TMEM63A: variants seen among roughly 807,000 people sequenced by gnomAD.
TMEM63A encodes mechanosensitive cation channel TMEM63A.
TMEM63A carries 76 observed loss-of-function variants against 100.6 expected under a neutral mutation model. The observed-to-expected ratio is 0.76, with a 90% confidence interval of 0.63 to 0.91. TMEM63A has a LOEUF of 0.91. Ranked by LOEUF, TMEM63A falls within the 40% of genes least tolerant of loss-of-function variation. The pLI, the probability that TMEM63A is intolerant of heterozygous loss-of-function variation, is 0.00. For missense variants in TMEM63A, 876 were observed against 1,008.8 expected, an observed-to-expected ratio of 0.87 and a Z score of 1.78; for synonymous variants, 401 against 401.1, an observed-to-expected ratio of 1.00 and a Z score of 0.00.
chr1:225,845,069 G>T, downstream of TMEM63A: 1 of 1,502,788 alleles, frequency 6.7e-7, no homozygotes. Context: ...ACCCCCAGGC[G>T]CTTTAACCCC....
chr1:225,862,462 C>T lies in TMEM63A; in HGVS notation c.944G>A (p.Cys315Tyr). 1.2e-6 allele frequency: 2 copies of T among 1,614,154 alleles called. No individual in the cohort carries two copies. The highest frequency in any genetic ancestry group is 1.7e-6 in the Non-Finnish European group (2 of 1,180,012). Residue 315 changes from cysteine to tyrosine, a missense_variant, in exon 12 of 25, where the codon TGT (cysteine) becomes TAT (tyrosine). Coordinates refer to ENST00000366835, the MANE Select transcript of TMEM63A (RefSeq NM_014698.3). This position sits in a 1 kb window ranked among gnomAD's most constrained non-coding sequence, Gnocchi z 5.1. Reference sequence around the variant, plus strand: ...GGGGGGTGGGACCCTTACCCACTCACAGCCCAGCACTTCACAGCAGCAAAA... The same window carrying T: ...GGGGGGTGGGACCCTTACCCACTCATAGCCCAGCACTTCACAGCAGCAAAA... ...GQFCCCEVLG[C>Y]EWEDAISYYT...
chr1:225,866,010 AG>A, intron 9 of TMEM63A, 43 bp from the exon 10 acceptor site: 1 of 1,604,068 alleles, frequency 6.2e-7, no homozygotes, highest in Non-Finnish European at 8.5e-7. Context: ...CCCACAAGCC[AG>A]TGTGCCGGTA....
rs1559043078 is a variant in TMEM63A, at chr1:225,862,582, TA to T, written c.828-5del. Reference sequence around the variant, plus strand: ...CAGGCTCTTCTCAGTCTTCTTTCTGTAGGGGTGGGAGCGGGGGCACAAACCT... The same window carrying T: ...CAGGCTCTTCTCAGTCTTCTTTCTGTGGGGTGGGAGCGGGGGCACAAACCT... On this transcript the variant is annotated splice_polypyrimidine_tract_variant and splice_region_variant and intron_variant, in intron 11 of 24. Transcript: ENST00000366835. This position sits in a 1 kb window ranked among gnomAD's most constrained non-coding sequence, Gnocchi z 5.1. The T allele has an allele frequency of 6.2e-7, 1 of 1,612,892 alleles. No homozygotes were observed. Among genetic ancestry groups the T allele is most frequent in the African/African-American group, 1.3e-5 (1 of 74,976 alleles).
At chr1:225,869,925 C>T (rs937671997) in intron 6 of TMEM63A, among the ~76,000 whole-genome samples, 5 of 151,792 alleles carry the variant, frequency 3.3e-5, no homozygotes, top group East Asian at 1.9e-4. Context: ...CCTCCCAAAG[C>T]GTTGGGATTA....
intron 4 of TMEM63A, among the ~76,000 whole-genome samples, chr1:225,872,606 T>C (rs1670564756): frequency 1.3e-5 from 2 of 152,084 alleles, no homozygotes; most frequent in Non-Finnish European, 2.9e-5. Context: ...AATCAGATCC[T>C]TTCTTGCGAG....
At chr1:225,847,245 A>G in intron 23 of TMEM63A, 32 bp from the exon 24 acceptor site, 1 of 1,604,714 alleles carries the variant, frequency 6.2e-7, no homozygotes, top group South Asian at 1.1e-5. Flanking sequence ...CTTGGCCTGG[A>G]CAGGCATGAG....
chr1:225,875,403 A>C (rs1329268604), intron 3 of TMEM63A, among the ~76,000 whole-genome samples: 1 of 152,092 alleles, frequency 6.6e-6, no homozygotes, highest in Non-Finnish European at 1.5e-5. Flanking sequence ...CCTCTCTTTG[A>C]GGTTCAGGGA....
downstream of TMEM63A, among the ~76,000 whole-genome samples, chr1:225,841,664 C>T (rs1286015083): frequency 5.5e-5 from 7 of 128,132 alleles, no homozygotes; most frequent in Non-Finnish European, 9.8e-5. Flanking sequence ...TGCAGTGGTA[C>T]GATCTCGGCT....
At chr1:225,845,276 G>A, downstream of TMEM63A, 18 of 1,613,584 alleles carry the variant, frequency 1.1e-5, no homozygotes, top group Non-Finnish European at 1.4e-5. Context: ...GGGCCACTTT[G>A]CGGCCTTTGA....
intron 6 of TMEM63A, among the ~76,000 whole-genome samples, chr1:225,869,666 C>CTTTTCTTTT (rs76862516): frequency 0.087 from 9,576 of 109,666 alleles, 766 homozygotes; most frequent in African/African-American, 0.16. Context: ...CTTTTCTTTT[C>CTTTTCTTTT]TTTTTTTTTT....
chr1:225,873,244 T>C (rs904592627), intron 4 of TMEM63A, among the ~76,000 whole-genome samples: 5 of 152,162 alleles, frequency 3.3e-5, no homozygotes, highest in Non-Finnish European at 7.3e-5. Context: ...CCAGAGTACA[T>C]GGCCCCACTT....
intron 18 of TMEM63A, among the ~76,000 whole-genome samples, chr1:225,854,150 ATGTGAAG>A (rs1669495860): frequency 2.7e-5 from 1 of 37,058 alleles, no homozygotes; most frequent in Admixed American, 3.7e-4. Context: ...TCGTGCAGAA[ATGTGAAG>A]AGGTGAAGGA....
chr1:225,863,180 AGTAGCTGG>A (rs1670031021), intron 10 of TMEM63A: 4 of 295,998 alleles, frequency 1.4e-5, no homozygotes, highest in Admixed American at 4.4e-5. Flanking sequence ...CAGCCTCCTG[AGTAGCTGG>A]GGCTACAGGC....
chr1:225,877,437 A>G lies in TMEM63A; in HGVS notation c.144T>C (p.Gly48=). The G allele has an allele frequency of 6.2e-7, 1 of 1,614,208 alleles. No homozygotes were observed. The highest frequency in any genetic ancestry group is 1.3e-5 in the African/African-American group (1 of 75,054). ...NSTVLQGVTF[G]GIPTVLLIDV... Reference sequence around the variant, plus strand: ...CTATGAGCAGGACAGTGGGGATGCCACCAAAGGTGACCCCCTGGAGCACGG... The same window carrying G: ...CTATGAGCAGGACAGTGGGGATGCCGCCAAAGGTGACCCCCTGGAGCACGG... The change falls in exon 3 of 25, where the codon GGT becomes GGC. Residue 48 remains glycine, a synonymous_variant. Transcript: ENST00000366835.
intron 4 of TMEM63A, among the ~76,000 whole-genome samples, chr1:225,873,816 T>C (rs1227539603): frequency 1.3e-5 from 2 of 152,130 alleles, no homozygotes; most frequent in African/African-American, 2.4e-5. Context: ...ATTTCAAAGA[T>C]GATCACTTAA....
At position 225,849,950 on chromosome 1, in the gene TMEM63A, C is replaced by A. The variant is rs1454362149; in HGVS notation, c.2033G>T (p.Cys678Phe). Residue 678 changes from cysteine (C) to phenylalanine (F), a missense_variant, in exon 21 of 25, where the codon TGC becomes TTC. Cys to Phe is a radical substitution (Grantham distance 205). Around this residue, in one of 5 missense-constraint regions of TMEM63A, gnomAD observed 339 missense variants for 342.3 expected, o/e 0.99. Coordinates refer to ENST00000366835, the MANE Select transcript of TMEM63A (RefSeq NM_014698.3). ...VNQALAAPILCLFWLYFFSFL... is the reference protein window; with the variant it reads ...VNQALAAPILFLFWLYFFSFL... ...GGAAAAGAAGTAGAGCCAGAAGAGG[C>A]ACAGGATGGGGGCTGCCAAGGCCTG... is the stretch of plus-strand genomic sequence containing the variant. 2 of 1,614,202 alleles carry A rather than the reference C, an allele frequency of 1.2e-6. No individual in the cohort carries two copies. Among genetic ancestry groups the A allele is most frequent in the Admixed American group, 3.3e-5 (2 of 60,014 alleles).
intron 18 of TMEM63A, among the ~76,000 whole-genome samples, chr1:225,854,349 G>A (rs564245038): frequency 1.3e-5 from 2 of 152,088 alleles, no homozygotes; most frequent in African/African-American, 4.8e-5. Flanking sequence ...GTTCCAATGG[G>A]GTCAGGGAGA....
downstream of TMEM63A, among the ~76,000 whole-genome samples, chr1:225,844,026 C>A (rs1382541766): frequency 6.6e-6 from 1 of 152,118 alleles, no homozygotes; most frequent in Non-Finnish European, 1.5e-5. Context: ...ATCCTGGACC[C>A]AAGCTGGCTA....
At chr1:225,877,295 A>G in intron 3 of TMEM63A, 100 bp downstream of exon 3, 1 of 1,361,968 alleles carries the variant, frequency 7.3e-7, no homozygotes, top group Admixed American at 2.4e-5. Flanking sequence ...ATTTAAACCC[A>G]GCTATGTCTG....
Sources: allele counts gnomAD v4.1 joint callset (sites outside exome capture counted in the v4.1 genomes callset), GRCh38; gene constraint gnomAD v4.1.1; regional missense constraint gnomAD v4.1.1; non-coding constraint Gnocchi (gnomAD v3.1); transcripts MANE v1.5; gene names NCBI Gene and HGNC (gene_info 2026-07-23, HGNC 2026-07-21).